The following KCNN2 variants were observed in gnomAD, a reference collection of about 807,000 sequenced individuals.
KCNN2 encodes potassium calcium-activated channel subfamily N member 2.
Under a neutral mutation model 55.5 loss-of-function variants are expected in KCNN2, and 24 were observed. The observed-to-expected ratio is 0.43, with a 90% CI of 0.31 to 0.61. KCNN2 has a LOEUF of 0.61. Ranked by LOEUF, KCNN2 falls within the 20% of genes least tolerant of loss-of-function variation. The probability of loss-of-function intolerance (pLI) is 0.08; values close to 1 mark genes in which losing one functional copy is unlikely to be tolerated. For synonymous variants in KCNN2, 431 were observed against 336.1 expected (o/e 1.28, Z -3.09); for missense variants, 754 against 853.6 (o/e 0.88, Z 1.45).
intron 1 of KCNN2, among the ~76,000 whole-genome samples, chr5:114,217,189 G>C (rs1366842067): frequency 6.6e-6 from 1 of 151,986 alleles, no homozygotes; most frequent in Non-Finnish European, 1.5e-5. Flanking sequence ...ACTTGATCTA[G>C]AGATTCAATG....
At chr5:114,419,633 CTAAG>C (rs1416652804) in intron 3 of KCNN2, among the ~76,000 whole-genome samples, 1 of 152,136 alleles carries the variant, frequency 6.6e-6, no homozygotes, top group Non-Finnish European at 1.5e-5. Context: ...ACTCAGTAAC[CTAAG>C]TCTTTCTGAC....
intron 2 of KCNN2, among the ~76,000 whole-genome samples, chr5:114,366,757 A>G (rs1335050302): frequency 6.6e-6 from 1 of 152,202 alleles, no homozygotes; most frequent in Non-Finnish European, 1.5e-5. Flanking sequence ...ATGTTTTTTC[A>G]TAAAAAGTTT....
At chr5:114,119,611 C>T (rs1181822572) in intron 1 of KCNN2, among the ~76,000 whole-genome samples, 1 of 152,130 alleles carries the variant, frequency 6.6e-6, no homozygotes, top group African/African-American at 2.4e-5. Context: ...TAATTCCTCC[C>T]ATTGGAAGCA....
chr5:114,456,898 T>C (rs933803102), intron 3 of KCNN2, among the ~76,000 whole-genome samples: 2 of 152,210 alleles, frequency 1.3e-5, no homozygotes, highest in African/African-American at 4.8e-5. Flanking sequence ...GGGCGTTTGC[T>C]TTGCTTCCTA....
At chr5:114,427,413 T>C (rs923118679) in intron 3 of KCNN2, among the ~76,000 whole-genome samples, 5 of 152,174 alleles carry the variant, frequency 3.3e-5, no homozygotes, top group African/African-American at 1.2e-4. Context: ...GACAATCCCA[T>C]AGGTGGAGCT....
At chr5:114,448,913 TTGAC>T (rs1386770509) in intron 3 of KCNN2, among the ~76,000 whole-genome samples, 1 of 152,198 alleles carries the variant, frequency 6.6e-6, no homozygotes, top group Non-Finnish European at 1.5e-5. Flanking sequence ...TTTTTCTCAG[TTGAC>T]TGAGAGCCCT....
chr5:114,331,766 AACAGGACC>A (rs1331334592), intron 2 of KCNN2, among the ~76,000 whole-genome samples: 3 of 152,234 alleles, frequency 2.0e-5, no homozygotes, highest in Non-Finnish European at 2.9e-5. Context: ...ATCTGTAAGT[AACAGGACC>A]AATTTTCTTC....
At chr5:114,244,796 T>C (rs1754719932) in intron 2 of KCNN2, among the ~76,000 whole-genome samples, 1 of 152,190 alleles carries the variant, frequency 6.6e-6, no homozygotes, top group Admixed American at 6.5e-5. Context: ...GCTTTACTCA[T>C]TGAAGCTAAC....
rs531398100 is a variant in KCNN2, at chr5:114,382,801, C to T, written c.1218+18800C>T. On this transcript the variant is annotated intron_variant, in intron 2 of 7. Transcript: ENST00000673685. ...CCAGTCATATGCCCAACCCTGGAAA[C>T]TGGCCACTCCAAGGATTAGCAGCTT... is the stretch of plus-strand genomic sequence containing the variant. Among the ~76,000 whole-genome samples the T allele has an allele frequency of 1.7e-4, 26 of 152,318 alleles. No individual in the cohort carries two copies. The South Asian group carries it at 3.3e-3, about 19-fold the overall frequency.
intron 2 of KCNN2, among the ~76,000 whole-genome samples, chr5:114,247,202 C>CAAAAAAAAAAAAAAAAAAAA (rs370172975): frequency 5.9e-5 from 4 of 68,092 alleles, no homozygotes; most frequent in Admixed American, 3.9e-4. Flanking sequence ...CATATGTCTC[C>CAAAAAAAAAAAAAAAAAAAA]AAAAAAAAAA....
intron 3 of KCNN2, among the ~76,000 whole-genome samples, chr5:114,412,308 T>A (rs1759161328): frequency 6.6e-6 from 1 of 152,228 alleles, no homozygotes; most frequent in Non-Finnish European, 1.5e-5. Flanking sequence ...TCTAGTAAAT[T>A]AATTTAGCAT....
intron 4 of KCNN2, among the ~76,000 whole-genome samples, chr5:114,467,910 G>C (rs564863708): frequency 6.6e-6 from 1 of 152,130 alleles, no homozygotes; most frequent in Admixed American, 6.5e-5. Flanking sequence ...GATTTAAACC[G>C]AGGGATGATT....
At chr5:114,142,875 C>T (rs1414752867) in intron 1 of KCNN2, among the ~76,000 whole-genome samples, 1 of 152,090 alleles carries the variant, frequency 6.6e-6, no homozygotes, top group Non-Finnish European at 1.5e-5. Flanking sequence ...CTTTAAAGTT[C>T]ATATGGAACC....
chr5:114,335,211 T>C (rs1756899549), intron 2 of KCNN2, among the ~76,000 whole-genome samples: 1 of 152,150 alleles, frequency 6.6e-6, no homozygotes, highest in Non-Finnish European at 1.5e-5. Flanking sequence ...GCACATTGCA[T>C]ATTTTTTAGG....
At chr5:114,479,783 T>G (rs1461960169) in intron 5 of KCNN2, among the ~76,000 whole-genome samples, 1 of 152,170 alleles carries the variant, frequency 6.6e-6, no homozygotes, top group Non-Finnish European at 1.5e-5. Context: ...GAATGACTCT[T>G]GGGTAGATAA....
At chr5:114,086,421 C>G (rs554565886) in intron 1 of KCNN2, among the ~76,000 whole-genome samples, 1 of 151,162 alleles carries the variant, frequency 6.6e-6, no homozygotes, top group Non-Finnish European at 1.5e-5. Flanking sequence ...TTTTAAGTCC[C>G]TGTCTCACAC....
At chr5:114,243,335 C>T (rs1182246044) in intron 2 of KCNN2, among the ~76,000 whole-genome samples, 1 of 152,114 alleles carries the variant, frequency 6.6e-6, no homozygotes, top group African/African-American at 2.4e-5. Context: ...TTCAGTTACT[C>T]GTGGCCAGCT....
At chr5:114,488,790 A>G (rs939859302) in intron 6 of KCNN2, among the ~76,000 whole-genome samples, 1 of 152,170 alleles carries the variant, frequency 6.6e-6, no homozygotes, top group Non-Finnish European at 1.5e-5. Flanking sequence ...TTCATACAGG[A>G]GGTCCAGAGG....
At chr5:114,422,349 C>T (rs1418093963) in intron 3 of KCNN2, among the ~76,000 whole-genome samples, 1 of 151,962 alleles carries the variant, frequency 6.6e-6, no homozygotes, top group Non-Finnish European at 1.5e-5. Context: ...AAAAAGAGAC[C>T]CCAGAGAGCT....
Sources: gnomAD v4.1 joint callset for allele counts (sites outside exome capture counted in the v4.1 genomes callset) on GRCh38, gnomAD v4.1.1 for gene constraint, MANE v1.5 for transcripts, NCBI Gene and HGNC (gene_info 2026-07-23, HGNC 2026-07-21) for gene names.